Variants in PLXDC2 observed in about 807,000 individuals in gnomAD.
PLXDC2 encodes plexin domain containing 2.
A neutral mutation model predicts 68.9 loss-of-function variants in PLXDC2; 40 were observed. The observed-to-expected ratio is 0.58, with a 90% CI of 0.45 to 0.76. PLXDC2 has a LOEUF of 0.76. Ranked by LOEUF, PLXDC2 falls within the 30% of genes least tolerant of loss-of-function variation. PLXDC2 has a pLI of 0.00. For synonymous variants in PLXDC2, 243 were observed against 234.2 expected (o/e 1.04, Z -0.34); for missense variants, 644 against 661.9 (o/e 0.97, Z 0.30).
At chr10:20,211,879 G>C in intron 10 of PLXDC2, 150 bp downstream of exon 10, 1 of 708,088 alleles carries the variant, frequency 1.4e-6, no homozygotes, top group Non-Finnish European at 2.3e-6. Flanking sequence ...CAAATATTAG[G>C]GGTTCGATAA....
intron 9 of PLXDC2, among the ~76,000 whole-genome samples, chr10:20,195,862 G>C (rs1053144830): frequency 1.9e-4 from 29 of 152,022 alleles, no homozygotes; most frequent in African/African-American, 6.8e-4. Flanking sequence ...GAACAGCACT[G>C]AACAAAATCT....
At chr10:20,235,806 G>A (rs1835424805) in intron 12 of PLXDC2, among the ~76,000 whole-genome samples, 2 of 152,174 alleles carry the variant, frequency 1.3e-5, no homozygotes, top group South Asian at 4.1e-4. Flanking sequence ...GCATATAAAT[G>A]ATCTGTTTGA....
At chr10:19,947,375 C>T (rs988552217) in intron 1 of PLXDC2, among the ~76,000 whole-genome samples, 5 of 152,198 alleles carry the variant, frequency 3.3e-5, no homozygotes, top group Non-Finnish European at 5.9e-5. Flanking sequence ...TAAAAACAGA[C>T]TCAGAGCCCA....
chr10:20,277,070 G>A (rs1342035847), intron 13 of PLXDC2, among the ~76,000 whole-genome samples: 5 of 151,932 alleles, frequency 3.3e-5, no homozygotes, highest in East Asian at 3.9e-4. Context: ...CTAGCCGTGT[G>A]CTGTGGTGGG....
At chr10:20,194,641 A>G (rs1051878901) in intron 9 of PLXDC2, among the ~76,000 whole-genome samples, 2 of 151,758 alleles carry the variant, frequency 1.3e-5, no homozygotes, top group Non-Finnish European at 2.9e-5. Flanking sequence ...TTTATTTTAT[A>G]TATATATATT....
chr10:20,039,975 C>G (rs1352624336), intron 2 of PLXDC2, among the ~76,000 whole-genome samples: 1 of 152,104 alleles, frequency 6.6e-6, no homozygotes, highest in Non-Finnish European at 1.5e-5. Flanking sequence ...TTCTAAGCAT[C>G]CAACCAGCTG....
intron 7 of PLXDC2, among the ~76,000 whole-genome samples, chr10:20,164,988 AC>A (rs113248516): frequency 6.6e-6 from 1 of 151,592 alleles, no homozygotes; most frequent in Non-Finnish European, 1.5e-5. Context: ...TGCTTGGCTA[AC>A]TTTTTTTATT....
At chr10:19,899,981 A>G (rs1284444046) in intron 1 of PLXDC2, among the ~76,000 whole-genome samples, 15 of 152,196 alleles carry the variant, frequency 9.9e-5, no homozygotes, top group Non-Finnish European at 5.9e-5. Flanking sequence ...AGTCTTCAAG[A>G]TACATCACAA....
intron 1 of PLXDC2, among the ~76,000 whole-genome samples, chr10:19,923,067 A>T (rs907223966): frequency 1.5e-5 from 2 of 135,804 alleles, no homozygotes; most frequent in South Asian, 2.2e-4. Context: ...GCTTATGTTT[A>T]AAAAAAAAAT....
intron 4 of PLXDC2, among the ~76,000 whole-genome samples, chr10:20,069,692 A>G (rs183997404): frequency 2.3e-4 from 35 of 152,066 alleles, no homozygotes; most frequent in Admixed American, 2.2e-3. Flanking sequence ...ATTAGCTGGT[A>G]TGATGGCATG....
chr10:20,023,670 A>C (rs1835350963), intron 2 of PLXDC2, among the ~76,000 whole-genome samples: 1 of 152,124 alleles, frequency 6.6e-6, no homozygotes, highest in South Asian at 2.1e-4. Flanking sequence ...GTTCATTATA[A>C]ATTACCCAGT....
intron 13 of PLXDC2, among the ~76,000 whole-genome samples, chr10:20,264,958 G>A (rs992984106): frequency 6.6e-6 from 1 of 152,050 alleles, no homozygotes; most frequent in Non-Finnish European, 1.5e-5. Flanking sequence ...ACTTATTCTA[G>A]TAAGGTCGCT....
At chr10:20,185,340 G>A (rs1474055450) in intron 9 of PLXDC2, among the ~76,000 whole-genome samples, 2 of 151,850 alleles carry the variant, frequency 1.3e-5, no homozygotes, top group Non-Finnish European at 2.9e-5. Flanking sequence ...GTCATACCAA[G>A]GGAATTCCTA....
chr10:19,845,207 G>A (rs558469834), intron 1 of PLXDC2, among the ~76,000 whole-genome samples: 5 of 152,242 alleles, frequency 3.3e-5, no homozygotes, highest in African/African-American at 1.2e-4. Context: ...CTCACCACGT[G>A]TGCCATAACA....
At chr10:20,042,515 T>G (rs1027926455) in intron 2 of PLXDC2, among the ~76,000 whole-genome samples, 2 of 152,170 alleles carry the variant, frequency 1.3e-5, no homozygotes, top group East Asian at 3.9e-4. Context: ...ACTAAGAATT[T>G]TCATTATGTT....
In PLXDC2 at chr10:19,905,744, G is replaced by A. The variant is rs573559835; in HGVS notation, c.112+88553G>A. ...ATTCTTTAATTGCAAAAGGTACCCT[G>A]AAGTTACAAAATATTAGACTTTTTT... On this transcript the variant is annotated intron_variant, in intron 1 of 13. Coordinates refer to ENST00000377252, the MANE Select transcript of PLXDC2 (RefSeq NM_032812.9). 4.9e-4 allele frequency among the ~76,000 whole-genome samples: 74 copies of A among 152,266 alleles called. 1 individual carries two copies. Among genetic ancestry groups the A allele is most frequent in the African/African-American group, 1.7e-3 (69 of 41,550 alleles).
intron 2 of PLXDC2, among the ~76,000 whole-genome samples, chr10:20,044,167 T>TCCC (rs1835737212): frequency 8.5e-6 from 1 of 117,632 alleles, no homozygotes; most frequent in Non-Finnish European, 1.8e-5. Context: ...TCCTTCCTCT[T>TCCC]TCTTTCTTTC....
intron 6 of PLXDC2, among the ~76,000 whole-genome samples, chr10:20,156,526 C>T (rs1438339122): frequency 6.6e-6 from 1 of 152,160 alleles, no homozygotes; most frequent in East Asian, 1.9e-4. Context: ...TGAATTTCTT[C>T]TCTTACCCAA....
At chr10:19,951,771 T>A (rs188149095) in intron 1 of PLXDC2, among the ~76,000 whole-genome samples, 11 of 152,202 alleles carry the variant, frequency 7.2e-5, no homozygotes, top group Admixed American at 6.5e-4. Context: ...GGGGATTGGA[T>A]AAAGAAAATG....
Sources: gnomAD v4.1 joint callset for allele counts (sites outside exome capture counted in the v4.1 genomes callset) on GRCh38, gnomAD v4.1.1 for gene constraint, MANE v1.5 for transcripts, NCBI Gene and HGNC (gene_info 2026-07-23, HGNC 2026-07-21) for gene names.